The following EPHA7 variants were observed in gnomAD, a reference collection of about 807,000 sequenced individuals.
EPHA7 encodes the protein ephrin type-A receptor 7.
A neutral mutation model predicts 112.6 loss-of-function variants in EPHA7; 25 were observed. The observed-to-expected ratio is 0.22, with a 90% CI of 0.16 to 0.31. The LOEUF is 0.31. Ranked by LOEUF, EPHA7 falls within the 10% of genes least tolerant of loss-of-function variation. The pLI, the probability that EPHA7 is intolerant of heterozygous loss-of-function variation, is 1.00. For missense variants in EPHA7, 962 were observed against 1,212.6 expected, an observed-to-expected ratio of 0.79 and a Z score of 3.07; for synonymous variants, 437 against 406.5, an observed-to-expected ratio of 1.07 and a Z score of -0.90.
chr6:93,402,895 A>G (rs1331259148), intron 3 of EPHA7, among the ~76,000 whole-genome samples: 1 of 152,112 alleles, frequency 6.6e-6, no homozygotes, highest in Non-Finnish European at 1.5e-5. Flanking sequence ...TTCTTAAGAC[A>G]TAAATAATGC....
At chr6:93,385,081 G>T (rs1777534674) in intron 3 of EPHA7, among the ~76,000 whole-genome samples, 2 of 151,986 alleles carry the variant, frequency 1.3e-5, no homozygotes, top group Admixed American at 1.3e-4. Context: ...TCCTTTTAGG[G>T]ATTAATACAC....
intron 3 of EPHA7, among the ~76,000 whole-genome samples, chr6:93,362,857 T>C (rs1776325670): frequency 6.6e-6 from 1 of 152,168 alleles, no homozygotes. Flanking sequence ...GTTTATGACC[T>C]ATAATTGCAT....
chr6:93,354,512 T>C (rs1054895431), intron 5 of EPHA7, among the ~76,000 whole-genome samples: 3 of 151,510 alleles, frequency 2.0e-5, no homozygotes, highest in Non-Finnish European at 4.4e-5. Flanking sequence ...ATAATTTAAA[T>C]AGCATAAAAT....
intron 5 of EPHA7, among the ~76,000 whole-genome samples, chr6:93,278,591 T>C (rs576814898): frequency 3.1e-4 from 47 of 152,222 alleles, no homozygotes; most frequent in African/African-American, 1.1e-3. Context: ...TGGCATTTAC[T>C]ATATGCAAGG....
chr6:93,381,881 T>A (rs912313930), intron 3 of EPHA7, among the ~76,000 whole-genome samples: 2 of 152,170 alleles, frequency 1.3e-5, no homozygotes, highest in African/African-American at 4.8e-5. Flanking sequence ...CAGTCACAAA[T>A]TCTGAAATTC....
intron 16 of EPHA7, among the ~76,000 whole-genome samples, chr6:93,244,174 C>A (rs1209136959): frequency 2.0e-5 from 3 of 152,066 alleles, no homozygotes; most frequent in Non-Finnish European, 1.5e-5. Context: ...TAGCCAGATA[C>A]AATGAGCTGA....
At chr6:93,334,232 C>T (rs1052038360) in intron 5 of EPHA7, among the ~76,000 whole-genome samples, 11 of 151,920 alleles carry the variant, frequency 7.2e-5, no homozygotes, top group Non-Finnish European at 1.5e-4. Flanking sequence ...CTCCTTACAC[C>T]GTATACGGAA....
chr6:93,357,093 G>GA lies in EPHA7; in HGVS notation c.989-42dup, dbSNP rs200823814. The GA allele has an allele frequency of 3.3e-3, 4,648 of 1,411,402 alleles. 4 individuals are homozygous for GA. The highest frequency in any genetic ancestry group is 3.6e-3 in the Non-Finnish European group (3,753 of 1,045,354). The allele number at this position is 1,411,402 out of a possible 1,614,324, so 87.4% of individuals were successfully genotyped here. On this transcript the variant is annotated intron_variant, in intron 4 of 16. Coordinates refer to ENST00000369303, the MANE Select transcript of EPHA7 (RefSeq NM_004440.4). ...ATAAATAAGTAAATAAGCAAAAATA[G>GA]AAAAAAAAACATACAAACAAAAAGA...
chr6:93,310,009 T>C (rs979304095), intron 5 of EPHA7, among the ~76,000 whole-genome samples: 2 of 152,226 alleles, frequency 1.3e-5, no homozygotes, highest in African/African-American at 4.8e-5. Flanking sequence ...CAGTCCTTAA[T>C]TTCTTGACAG....
At chr6:93,342,357 G>T (rs745570648) in intron 5 of EPHA7, among the ~76,000 whole-genome samples, 28 of 151,688 alleles carry the variant, frequency 1.8e-4, no homozygotes, top group Non-Finnish European at 3.1e-4. Context: ...AAAACCATTA[G>T]GACCATAGTT....
intron 5 of EPHA7, among the ~76,000 whole-genome samples, chr6:93,286,715 T>G (rs539060320): frequency 9.9e-5 from 15 of 152,212 alleles, no homozygotes; most frequent in Non-Finnish European, 1.8e-4. Context: ...ATGATAGCAT[T>G]AAACCTTCAT....
intron 6 of EPHA7, among the ~76,000 whole-genome samples, chr6:93,270,839 C>T (rs62414226): frequency 0.013 from 1,943 of 151,746 alleles, 32 homozygotes; most frequent in Admixed American, 0.026. Context: ...ATCACGCATG[C>T]GTGCATATAC....
intron 5 of EPHA7, among the ~76,000 whole-genome samples, chr6:93,292,146 T>A (rs1772413286): frequency 6.6e-6 from 1 of 152,198 alleles, no homozygotes; most frequent in South Asian, 2.1e-4. Context: ...TTTGAAGTCA[T>A]GCAAGAAAAG....
At chr6:93,253,311 A>G (rs1038545267) in intron 14 of EPHA7, among the ~76,000 whole-genome samples, 6 of 152,100 alleles carry the variant, frequency 3.9e-5, no homozygotes, top group African/African-American at 1.4e-4. Flanking sequence ...GCAAATGAAA[A>G]AGTTTTATGT....
chr6:93,356,124 A>C (rs527858038), intron 5 of EPHA7, among the ~76,000 whole-genome samples: 16 of 152,218 alleles, frequency 1.1e-4, no homozygotes, highest in African/African-American at 3.9e-4. Flanking sequence ...CTTCATTTTG[A>C]CCACTATTTT....
chr6:93,290,421 T>C (rs527261378), intron 5 of EPHA7, among the ~76,000 whole-genome samples: 45 of 152,300 alleles, frequency 3.0e-4, no homozygotes, highest in African/African-American at 1.0e-3. Flanking sequence ...ACAAGATTGA[T>C]AAGGTTTCAG....
chr6:93,247,111 T>C, intron 14 of EPHA7, 126 bp from the exon 15 acceptor site: 1 of 845,764 alleles, frequency 1.2e-6, no homozygotes, highest in Non-Finnish European at 1.7e-6. Flanking sequence ...AAAGACTTAC[T>C]TTTTTCCCAA....
In EPHA7 at chr6:93,321,750, C is replaced by T. The variant is rs964930178; in HGVS notation, c.1324+34967G>A. Reference sequence around the variant, plus strand: ...CTGTGGTCCACACAACTCCACACTGCATCAACATTCATTGATCAGTTTTAC... The same window carrying T: ...CTGTGGTCCACACAACTCCACACTGTATCAACATTCATTGATCAGTTTTAC... On this transcript the variant is annotated intron_variant, in intron 5 of 16. Transcript: ENST00000369303. Among the ~76,000 whole-genome samples the T allele has an allele frequency of 2.0e-5, 3 of 151,852 alleles. No individual in the cohort carries two copies. The Admixed American group carries it at 2.0e-4, about 10-fold the overall frequency.
In EPHA7 at chr6:93,343,852, T is replaced by C. The variant is rs141774137; in HGVS notation, c.1324+12865A>G. Among the ~76,000 whole-genome samples the C allele has an allele frequency of 7.1e-3, 1,083 of 151,812 alleles. 25 individuals carry two copies. Among genetic ancestry groups the C allele is most frequent in the Admixed American group, 0.051 (780 of 15,154 alleles). On this transcript the variant is annotated intron_variant, in intron 5 of 16. Transcript: ENST00000369303. ...TAACACCAGTGTTTAATGCAGCAAG[T>C]GTACCAGAAGTCACTTACAAATTAT...
Sources: allele counts gnomAD v4.1 joint callset (sites outside exome capture counted in the v4.1 genomes callset), GRCh38; gene constraint gnomAD v4.1.1; transcripts MANE v1.5; gene names NCBI Gene and HGNC (gene_info 2026-07-23, HGNC 2026-07-21).